The following TAFA1 variants were observed in gnomAD, a reference collection of about 807,000 sequenced individuals.
TAFA1 encodes chemokine-like protein TAFA-1.
TAFA1 carries 4 observed loss-of-function variants against 18.5 expected under a neutral mutation model. The ratio of observed to expected loss-of-function variants is 0.22; its 90% CI spans 0.11 to 0.49. The LOEUF (loss-of-function observed/expected upper bound fraction) is 0.49, where lower values mean the gene tolerates loss of function less well. TAFA1 is among the 20% of genes least tolerant of loss of function. TAFA1 has a pLI of 0.98. For synonymous variants in TAFA1, 56 were observed against 55.2 expected (o/e 1.01, Z -0.06); for missense variants, 147 against 169.0 (o/e 0.87, Z 0.72).
At chr3:68,368,273 G>A (rs1402443311) in intron 2 of TAFA1, among the ~76,000 whole-genome samples, 2 of 152,120 alleles carry the variant, frequency 1.3e-5, no homozygotes, top group Non-Finnish European at 2.9e-5. Flanking sequence ...ATACATTAAT[G>A]TTAGATTAAT....
intron 2 of TAFA1, among the ~76,000 whole-genome samples, chr3:68,345,209 T>C (rs750892372): frequency 1.5e-4 from 23 of 152,122 alleles, no homozygotes; most frequent in Non-Finnish European, 3.2e-4. Flanking sequence ...TCCTGCCAAA[T>C]TCCCACAGAT....
intron 3 of TAFA1, among the ~76,000 whole-genome samples, chr3:68,423,389 A>G (rs2070994679): frequency 6.6e-6 from 1 of 152,128 alleles, no homozygotes. Flanking sequence ...TGGCATAGCC[A>G]GAAGGTCAGC....
chr3:68,453,456 A>G (rs535787964), intron 3 of TAFA1, among the ~76,000 whole-genome samples: 2 of 152,294 alleles, frequency 1.3e-5, no homozygotes, highest in Non-Finnish European at 2.9e-5. Context: ...GGATGCCCCA[A>G]ATGAGGAGGA....
chr3:68,262,335 A>G (rs1445561793), intron 2 of TAFA1, among the ~76,000 whole-genome samples: 1 of 87,992 alleles, frequency 1.1e-5, no homozygotes, highest in African/African-American at 4.5e-5. Flanking sequence ...ATATATATAT[A>G]TATATATATA....
At chr3:68,297,381 C>G (rs1225683930) in intron 2 of TAFA1, among the ~76,000 whole-genome samples, 1 of 152,170 alleles carries the variant, frequency 6.6e-6, no homozygotes. Context: ...AGAATAGCCA[C>G]TCTCAATTCT....
At chr3:68,185,940 A>G (rs1395391296) in intron 2 of TAFA1, among the ~76,000 whole-genome samples, 2 of 151,742 alleles carry the variant, frequency 1.3e-5, no homozygotes, top group African/African-American at 2.4e-5. Context: ...TAAATAGGAA[A>G]CAAAATGAAT....
At chr3:68,188,917 T>G (rs1193533579) in intron 2 of TAFA1, among the ~76,000 whole-genome samples, 1 of 151,882 alleles carries the variant, frequency 6.6e-6, no homozygotes, top group Non-Finnish European at 1.5e-5. Context: ...CAAGGCCAGG[T>G]GTGCACTTTG....
intron 2 of TAFA1, among the ~76,000 whole-genome samples, chr3:68,270,895 G>A (rs1316935345): frequency 1.3e-5 from 2 of 152,156 alleles, no homozygotes; most frequent in East Asian, 3.9e-4. Flanking sequence ...AGCTGACAGA[G>A]TGATGAAAAG....
chr3:68,290,404 T>C (rs998116473), intron 2 of TAFA1, among the ~76,000 whole-genome samples: 2 of 152,182 alleles, frequency 1.3e-5, no homozygotes, highest in African/African-American at 2.4e-5. Context: ...TCTATTTCTG[T>C]AATTTTATAT....
intron 2 of TAFA1, among the ~76,000 whole-genome samples, chr3:68,078,457 T>A (rs562992493): frequency 0.03 from 4,575 of 152,228 alleles, 245 homozygotes; most frequent in African/African-American, 0.1. Context: ...TTGTCATAGA[T>A]AGCTCTTATT....
At chr3:68,235,650 A>C (rs1489309337) in intron 2 of TAFA1, among the ~76,000 whole-genome samples, 3 of 152,002 alleles carry the variant, frequency 2.0e-5, no homozygotes, top group Admixed American at 6.6e-5. Context: ...TATCCTACCC[A>C]ATGCTCTGTA....
At chr3:68,015,160 G>A (rs1704544332) in intron 2 of TAFA1, among the ~76,000 whole-genome samples, 1 of 152,076 alleles carries the variant, frequency 6.6e-6, no homozygotes, top group Non-Finnish European at 1.5e-5. Context: ...AAAACATTGT[G>A]TCTGTAAGCT....
chr3:68,252,668 C>A (rs929136019), intron 2 of TAFA1, among the ~76,000 whole-genome samples: 1 of 152,212 alleles, frequency 6.6e-6, no homozygotes, highest in African/African-American at 2.4e-5. Context: ...TGAAGCCAAA[C>A]TGCCTGGGTA....
At chr3:68,120,013 T>C (rs2065369251) in intron 2 of TAFA1, among the ~76,000 whole-genome samples, 1 of 152,178 alleles carries the variant, frequency 6.6e-6, no homozygotes, top group Non-Finnish European at 1.5e-5. Context: ...CCATTCTTCC[T>C]TTAAGAGAAC....
chr3:68,220,555 G>A (rs1259125905), intron 2 of TAFA1, among the ~76,000 whole-genome samples: 1 of 151,718 alleles, frequency 6.6e-6, no homozygotes, highest in East Asian at 1.9e-4. Context: ...CCGATTTACA[G>A]CTCTGTCCAA....
chr3:68,092,645 T>C (rs1420872867), intron 2 of TAFA1, among the ~76,000 whole-genome samples: 1 of 152,168 alleles, frequency 6.6e-6, no homozygotes, highest in Non-Finnish European at 1.5e-5. Flanking sequence ...TTAAGCAGTT[T>C]TCATTAAAGA....
intron 2 of TAFA1, among the ~76,000 whole-genome samples, chr3:68,182,537 A>G (rs4449324): frequency 0.7 from 106,288 of 152,068 alleles, 37,343 homozygotes; most frequent in South Asian, 0.78. Context: ...TATTGCTTCA[A>G]TTGGTACTGT....
At chr3:68,033,579 G>A (rs979396916) in intron 2 of TAFA1, among the ~76,000 whole-genome samples, 3 of 152,016 alleles carry the variant, frequency 2.0e-5, no homozygotes, top group Non-Finnish European at 2.9e-5. Flanking sequence ...ACTTTTATAT[G>A]CATGTAAGCC....
At chr3:68,328,231 T>C (rs972500840) in intron 2 of TAFA1, among the ~76,000 whole-genome samples, 1 of 152,208 alleles carries the variant, frequency 6.6e-6, no homozygotes, top group Non-Finnish European at 1.5e-5. Flanking sequence ...TGGGATTTTG[T>C]GCTGCTCTCA....
Sources: gnomAD v4.1 joint callset for allele counts (sites outside exome capture counted in the v4.1 genomes callset) on GRCh38, gnomAD v4.1.1 for gene constraint, MANE v1.5 for transcripts, NCBI Gene and HGNC (gene_info 2026-07-23, HGNC 2026-07-21) for gene names.